NRG3: variants seen among roughly 807,000 people sequenced by gnomAD.
NRG3 encodes neuregulin 3, also known as pro-neuregulin-3, membrane-bound isoform.
NRG3 carries 31 observed loss-of-function variants against 66.9 expected under a neutral mutation model. That is an observed-to-expected ratio of 0.46 (90% CI 0.35 to 0.63). The LOEUF (loss-of-function observed/expected upper bound fraction) is 0.63. Ranked by LOEUF, NRG3 falls within the 20% of genes least tolerant of loss-of-function variation. The pLI, the probability that NRG3 is intolerant of heterozygous loss-of-function variation, is 0.00. For synonymous variants in NRG3, 393 were observed against 359.4 expected, an observed-to-expected ratio of 1.09 and a Z score of -1.06; for missense variants, 910 against 878.9, an observed-to-expected ratio of 1.04 and a Z score of -0.45.
intron 1 of NRG3, among the ~76,000 whole-genome samples, chr10:82,211,760 C>T (rs1350221991): frequency 6.6e-6 from 1 of 152,020 alleles, no homozygotes; most frequent in African/African-American, 2.4e-5. Flanking sequence ...TGTGTAGAGC[C>T]TTCCACATGA....
chr10:82,610,874 G>A (rs2048271512), intron 2 of NRG3, among the ~76,000 whole-genome samples: 1 of 152,050 alleles, frequency 6.6e-6, no homozygotes, highest in Non-Finnish European at 1.5e-5. Flanking sequence ...TGACTGTGTT[G>A]TATTCAATTA....
chr10:81,937,746 T>C (rs1291344437), intron 1 of NRG3, among the ~76,000 whole-genome samples: 1 of 152,162 alleles, frequency 6.6e-6, no homozygotes, highest in African/African-American at 2.4e-5. Flanking sequence ...GTTTTCAAGT[T>C]TGATGTAATC....
intron 1 of NRG3, among the ~76,000 whole-genome samples, chr10:82,107,959 G>A (rs2067168366): frequency 6.6e-6 from 1 of 152,150 alleles, no homozygotes; most frequent in Admixed American, 6.5e-5. Context: ...GAGGGTGATG[G>A]CCAGCTTATC....
chr10:82,457,097 C>A (rs1268911374), intron 2 of NRG3, among the ~76,000 whole-genome samples: 1 of 152,078 alleles, frequency 6.6e-6, no homozygotes. Flanking sequence ...ATAAAAACTT[C>A]CATGCATCTG....
intron 2 of NRG3, among the ~76,000 whole-genome samples, chr10:82,423,438 C>G (rs1300649948): frequency 6.6e-6 from 1 of 151,864 alleles, no homozygotes; most frequent in African/African-American, 2.4e-5. Flanking sequence ...CTATCTTTGG[C>G]TGATTCTGGA....
At chr10:81,929,931 G>A (rs373810620) in intron 1 of NRG3, among the ~76,000 whole-genome samples, 8 of 152,122 alleles carry the variant, frequency 5.3e-5, no homozygotes, top group African/African-American at 1.2e-4. Flanking sequence ...AAGAAACCTC[G>A]GTAATCAGGC....
intron 3 of NRG3, among the ~76,000 whole-genome samples, chr10:82,813,338 T>G (rs928964252): frequency 2.3e-4 from 35 of 150,594 alleles, no homozygotes; most frequent in African/African-American, 6.8e-4. Context: ...CTCAGCCTCC[T>G]GAGTAGCTGG....
At chr10:82,472,642 T>A (rs1841375844) in intron 2 of NRG3, among the ~76,000 whole-genome samples, 1 of 152,226 alleles carries the variant, frequency 6.6e-6, no homozygotes, top group African/African-American at 2.4e-5. Flanking sequence ...GGGAGACATT[T>A]AAAGTCTTTC....
chr10:82,253,942 T>C (rs2077596339), intron 1 of NRG3, among the ~76,000 whole-genome samples: 1 of 152,202 alleles, frequency 6.6e-6, no homozygotes, highest in South Asian at 2.1e-4. Flanking sequence ...TTGTTACTTA[T>C]ATACTTGTCT....
At chr10:82,252,417 T>C (rs939850817) in intron 1 of NRG3, among the ~76,000 whole-genome samples, 23 of 152,166 alleles carry the variant, frequency 1.5e-4, no homozygotes, top group African/African-American at 5.3e-4. Flanking sequence ...CATTTATACA[T>C]GGGAAAACAG....
intron 1 of NRG3, among the ~76,000 whole-genome samples, chr10:82,248,765 C>T (rs186602827): frequency 2.6e-5 from 4 of 152,280 alleles, no homozygotes; most frequent in African/African-American, 9.6e-5. Flanking sequence ...ACATTCTGTA[C>T]ACAGCAGTCA....
At chr10:82,093,529 G>A (rs181224209) in intron 1 of NRG3, among the ~76,000 whole-genome samples, 1 of 152,266 alleles carries the variant, frequency 6.6e-6, no homozygotes, top group Admixed American at 6.5e-5. Context: ...CTGACATTGA[G>A]GAAATAGATA....
intron 1 of NRG3, among the ~76,000 whole-genome samples, chr10:82,304,776 A>G (rs2080615435): frequency 6.6e-6 from 1 of 152,074 alleles, no homozygotes; most frequent in Non-Finnish European, 1.5e-5. Flanking sequence ...AGTGACTTTA[A>G]TTACATCTGG....
intron 2 of NRG3, among the ~76,000 whole-genome samples, chr10:82,517,761 G>A (rs558267180): frequency 1.3e-5 from 2 of 152,022 alleles, no homozygotes; most frequent in South Asian, 2.1e-4. Flanking sequence ...CCTACACTGA[G>A]ATGTAGAGGT....
chr10:82,744,453 C>T (rs1022151942), intron 3 of NRG3, among the ~76,000 whole-genome samples: 30 of 152,156 alleles, frequency 2.0e-4, no homozygotes, highest in Non-Finnish European at 3.5e-4. Context: ...CTCTGCGCCT[C>T]TTTTGGAAGG....
At chr10:82,077,690 G>A (rs887804906) in intron 1 of NRG3, among the ~76,000 whole-genome samples, 5 of 152,126 alleles carry the variant, frequency 3.3e-5, no homozygotes, top group Non-Finnish European at 7.4e-5. Flanking sequence ...TCTCATACAC[G>A]TCTTTCTATA....
chr10:81,916,437 A>G (rs1217474729), intron 1 of NRG3, among the ~76,000 whole-genome samples: 1 of 152,232 alleles, frequency 6.6e-6, no homozygotes, highest in Non-Finnish European at 1.5e-5. Context: ...GAAGCAGCTG[A>G]GTATGAGTTT....
chr10:82,836,908 A>G (rs1207118533), intron 3 of NRG3, among the ~76,000 whole-genome samples: 1 of 151,842 alleles, frequency 6.6e-6, no homozygotes, highest in African/African-American at 2.4e-5. Context: ...GCACCCTACA[A>G]CAGGTCCCAG....
At chr10:82,964,803 C>G (rs1453710646) in intron 6 of NRG3, among the ~76,000 whole-genome samples, 2 of 152,204 alleles carry the variant, frequency 1.3e-5, no homozygotes, top group Non-Finnish European at 2.9e-5. Context: ...ATTATCAGCA[C>G]TGTCAACATT....
Sources: gnomAD v4.1 joint callset for allele counts (sites outside exome capture counted in the v4.1 genomes callset) on GRCh38, gnomAD v4.1.1 for gene constraint, MANE v1.5 for transcripts, NCBI Gene and HGNC (gene_info 2026-07-23, HGNC 2026-07-21) for gene names.